CDH20: variants seen among roughly 807,000 people sequenced by gnomAD.
CDH20 encodes cadherin-20.
CDH20 carries 29 observed loss-of-function variants against 74.2 expected under a neutral mutation model. The observed-to-expected ratio is 0.39, with a 90% CI of 0.29 to 0.53. The LOEUF (loss-of-function observed/expected upper bound fraction) is 0.53. Ranked by LOEUF, CDH20 falls within the 20% of genes least tolerant of loss-of-function variation. The pLI, the probability that CDH20 is intolerant of heterozygous loss-of-function variation, is 0.69. For missense variants in CDH20, 988 were observed against 1,048.3 expected, an observed-to-expected ratio of 0.94 and a Z score of 0.79; for synonymous variants, 469 against 405.4, an observed-to-expected ratio of 1.16 and a Z score of -1.88.
intron 1 of CDH20, among the ~76,000 whole-genome samples, chr18:61,452,240 G>C (rs1051078227): frequency 6.6e-6 from 1 of 150,554 alleles, no homozygotes; most frequent in African/African-American, 2.4e-5. Flanking sequence ...TGATATTTTT[G>C]TTTTTTATGT....
At chr18:61,538,392 C>T (rs1912881646) in intron 8 of CDH20, among the ~76,000 whole-genome samples, 1 of 151,802 alleles carries the variant, frequency 6.6e-6, no homozygotes, top group South Asian at 2.1e-4. Context: ...ACACTTGCTC[C>T]CTTTGTCTCA....
At chr18:61,451,379 C>T (rs1568144502) in intron 1 of CDH20, among the ~76,000 whole-genome samples, 2 of 151,936 alleles carry the variant, frequency 1.3e-5, no homozygotes, top group Non-Finnish European at 2.9e-5. Context: ...TAATTATTTG[C>T]TATTATCTAT....
chr18:61,414,710 C>A (rs1436578937), intron 1 of CDH20, among the ~76,000 whole-genome samples: 1 of 151,736 alleles, frequency 6.6e-6, no homozygotes, highest in African/African-American at 2.4e-5. Context: ...TTATAGAAAC[C>A]AATTTAAGTT....
intron 1 of CDH20, among the ~76,000 whole-genome samples, chr18:61,447,952 G>C (rs758029757): frequency 6.6e-6 from 1 of 152,184 alleles, no homozygotes; most frequent in Non-Finnish European, 1.5e-5. Context: ...GCTCTCAGCA[G>C]TCCTCTGGTA....
chr18:61,448,892 C>T (rs919669096), intron 1 of CDH20, among the ~76,000 whole-genome samples: 12 of 152,148 alleles, frequency 7.9e-5, no homozygotes, highest in South Asian at 6.2e-4. Context: ...GGTTCCTCTA[C>T]GTAAAATCAA....
chr18:61,363,629 G>A (rs4940517), intron 1 of CDH20, among the ~76,000 whole-genome samples: 21,384 of 152,106 alleles, frequency 0.14, 2,127 homozygotes, highest in East Asian at 0.44. Context: ...TTGAATATTC[G>A]TGTTGTTTAA....
intron 2 of CDH20, among the ~76,000 whole-genome samples, chr18:61,497,625 T>G (rs778278557): frequency 6.6e-5 from 10 of 152,196 alleles, no homozygotes; most frequent in Admixed American, 1.3e-4. Context: ...CTTCCTATAA[T>G]GGGAAAAGCA....
intron 1 of CDH20, among the ~76,000 whole-genome samples, chr18:61,475,841 C>G (rs181735026): frequency 6.6e-6 from 1 of 152,180 alleles, no homozygotes; most frequent in Non-Finnish European, 1.5e-5. Flanking sequence ...TTTAGAGACA[C>G]CTGTCACATC....
intron 1 of CDH20, among the ~76,000 whole-genome samples, chr18:61,433,781 C>G (rs1908733663): frequency 1.3e-5 from 2 of 152,190 alleles, no homozygotes; most frequent in Non-Finnish European, 2.9e-5. Flanking sequence ...ATATTGTTTG[C>G]TGTTGTCACT....
chr18:61,405,433 A>G (rs1912299939), intron 1 of CDH20, among the ~76,000 whole-genome samples: 1 of 152,084 alleles, frequency 6.6e-6, no homozygotes, highest in South Asian at 2.1e-4. Flanking sequence ...AAAAATAAAA[A>G]TAAAAATAAA....
Position 61,490,788 on chromosome 18 carries a change from T to A in CDH20, c.235T>A (p.Tyr79Asn). 6.2e-7 allele frequency: 1 copy of A among 1,614,058 alleles called. No individual in the cohort carries two copies. The highest frequency in any genetic ancestry group is 8.5e-7 in the Non-Finnish European group (1 of 1,179,930). The change falls in exon 2 of 12, where the codon TAT becomes AAT. Residue 79 changes from tyrosine (Y) to asparagine (N), a missense_variant. By Grantham distance (143) the Tyr-to-Asn change is moderately radical. Coordinates refer to ENST00000262717, the MANE Select transcript of CDH20 (RefSeq NM_031891.4). ...AGAGTACACTGGGACCGACCCTTTG[T>A]ATGTCGGCAAGGTAAGAAATGCCAA... ...LEEYTGTDPLYVGKLHSDMDR... is the reference protein window; with the variant it reads ...LEEYTGTDPLNVGKLHSDMDR...
chr18:61,347,349 CACAT>C lies in CDH20; in HGVS notation c.-153+13524_-153+13527del, dbSNP rs1256951802. 1.8e-3 allele frequency among the ~76,000 whole-genome samples: 214 copies of C among 116,210 alleles called. 1 individual carries two copies. Among genetic ancestry groups the C allele is most frequent in the African/African-American group, 6.3e-3 (191 of 30,376 alleles). 76.2% of individuals were successfully genotyped at this position (116,210 alleles called of 152,430 possible). ...ACACACACACACACACACACACACA[CACAT>C]ATATATATACACAAAAATTAGCCGG... On this transcript the variant is annotated intron_variant, in intron 1 of 11. Coordinates refer to ENST00000262717, the MANE Select transcript of CDH20 (RefSeq NM_031891.4).
chr18:61,380,100 G>T (rs1245428470), intron 1 of CDH20, among the ~76,000 whole-genome samples: 1 of 152,176 alleles, frequency 6.6e-6, no homozygotes, highest in East Asian at 1.9e-4. Context: ...GCGACTGTGG[G>T]TTAGGGAAGT....
intron 1 of CDH20, among the ~76,000 whole-genome samples, chr18:61,408,445 A>G (rs1447027204): frequency 6.6e-6 from 1 of 152,202 alleles, no homozygotes; most frequent in African/African-American, 2.4e-5. Flanking sequence ...TCTGGTTTCA[A>G]CCTCTCCTCT....
intron 6 of CDH20, among the ~76,000 whole-genome samples, chr18:61,527,397 A>AGATAGAT (rs1491562248): frequency 6.8e-6 from 1 of 147,378 alleles, no homozygotes; most frequent in African/African-American, 2.6e-5. Context: ...ATAGATAGAT[A>AGATAGAT]GATAGATAGA....
chr18:61,371,312 A>C (rs140068933), intron 1 of CDH20, among the ~76,000 whole-genome samples: 2 of 152,016 alleles, frequency 1.3e-5, no homozygotes, highest in Admixed American at 6.6e-5. Context: ...TCTGTTTCCT[A>C]CTGAACAAAA....
In CDH20 at chr18:61,546,328, T is replaced by A. The variant is rs567318503; in HGVS notation, c.1648+1184T>A. Among the ~76,000 whole-genome samples the A allele has an allele frequency of 1.0e-3, 157 of 152,340 alleles. 1 individual carries two copies. Among genetic ancestry groups the A allele is most frequent in the African/African-American group, 3.5e-3 (147 of 41,582 alleles). ...CAGTTTTCTGCTGTAAAACTTGAGATTCTCAAACCTGTTTTCTTCTAAATG... is the reference window on the plus strand; with the variant it reads ...CAGTTTTCTGCTGTAAAACTTGAGAATCTCAAACCTGTTTTCTTCTAAATG... On this transcript the variant is annotated intron_variant, in intron 10 of 11. Transcript: ENST00000262717.
intron 1 of CDH20, among the ~76,000 whole-genome samples, chr18:61,375,895 C>A (rs1911209726): frequency 6.6e-6 from 1 of 152,036 alleles, no homozygotes; most frequent in Non-Finnish European, 1.5e-5. Context: ...AAGTATCCAA[C>A]TGCATTATCC....
At chr18:61,546,300 T>C (rs966789045) in intron 10 of CDH20, among the ~76,000 whole-genome samples, 9 of 152,238 alleles carry the variant, frequency 5.9e-5, no homozygotes, top group African/African-American at 1.9e-4. Context: ...CAACCCCACA[T>C]GACAGTTTTC....
Sources: allele counts gnomAD v4.1 joint callset (sites outside exome capture counted in the v4.1 genomes callset), GRCh38; gene constraint gnomAD v4.1.1; transcripts MANE v1.5; gene names NCBI Gene and HGNC (gene_info 2026-07-23, HGNC 2026-07-21).